PLCG2: variants seen among roughly 807,000 people sequenced by gnomAD.
PLCG2 encodes phospholipase C gamma 2.
A neutral mutation model predicts 175.6 loss-of-function variants in PLCG2; 69 were observed. The observed-to-expected ratio is 0.39, with a 90% CI of 0.32 to 0.48. The LOEUF is 0.48. Ranked by LOEUF, PLCG2 falls within the 20% of genes least tolerant of loss-of-function variation. The pLI is 0.91. For synonymous variants in PLCG2, 827 were observed against 624.0 expected, an observed-to-expected ratio of 1.33 and a Z score of -4.85; for missense variants, 1,798 against 1,650.9, an observed-to-expected ratio of 1.09 and a Z score of -1.54.
intron 5 of PLCG2, among the ~76,000 whole-genome samples, chr16:81,868,947 G>A (rs548445024): frequency 2.6e-5 from 4 of 152,302 alleles, no homozygotes; most frequent in African/African-American, 9.6e-5. Flanking sequence ...TACCTGAAGG[G>A]TGGAGACCAG....
At chr16:81,851,894 A>G (rs1015186681) in intron 2 of PLCG2, among the ~76,000 whole-genome samples, 4 of 152,166 alleles carry the variant, frequency 2.6e-5, no homozygotes, top group African/African-American at 9.7e-5. Flanking sequence ...CTTTGAGTGC[A>G]TCCCATCCCC....
At chr16:81,910,240 A>G (rs913487370) in intron 17 of PLCG2, among the ~76,000 whole-genome samples, 3 of 151,972 alleles carry the variant, frequency 2.0e-5, no homozygotes, top group African/African-American at 7.3e-5. Context: ...ACAGGCATGC[A>G]CCACCATGCC....
Position 81,938,878 on chromosome 16 carries a change from C to A in PLCG2, c.3276C>A (p.Ala1092=). The change falls in exon 29 of 33, where the codon GCC becomes GCA. Residue 1092 remains alanine (A), a synonymous_variant. Transcript: ENST00000564138. Reference sequence around the variant, plus strand: ...TTGTAGAAGTGGAGATCTGTGGAGCCGAGTATGACAACAACAAGTTCAAGA... The same window carrying A: ...TTGTAGAAGTGGAGATCTGTGGAGCAGAGTATGACAACAACAAGTTCAAGA... ...CPFVEVEICG[A]EYDNNKFKTT... is the part of the protein sequence containing the mutation. 6.2e-7 allele frequency: 1 copy of A among 1,612,932 alleles called. No homozygotes were observed. The highest frequency in any genetic ancestry group is 8.5e-7 in the Non-Finnish European group (1 of 1,179,298).
chr16:81,817,546 G>C (rs1027295325), intron 2 of PLCG2, among the ~76,000 whole-genome samples: 9 of 152,232 alleles, frequency 5.9e-5, no homozygotes, highest in Admixed American at 5.2e-4. Context: ...GTAAACACAA[G>C]TGATAAAACA....
At chr16:81,888,552 A>G (rs890292223) in intron 9 of PLCG2, among the ~76,000 whole-genome samples, 3 of 152,208 alleles carry the variant, frequency 2.0e-5, no homozygotes, top group African/African-American at 7.2e-5. Flanking sequence ...ATAAGATTTT[A>G]TACAATGCTT....
At chr16:81,786,948 A>G (rs1229127320) in intron 2 of PLCG2, among the ~76,000 whole-genome samples, 2 of 152,228 alleles carry the variant, frequency 1.3e-5, no homozygotes, top group African/African-American at 4.8e-5. Context: ...TTTATCTTCC[A>G]AAATAGTCTA....
At chr16:81,871,734 C>G (rs560554103) in intron 7 of PLCG2, among the ~76,000 whole-genome samples, 1 of 152,256 alleles carries the variant, frequency 6.6e-6, no homozygotes, top group East Asian at 1.9e-4. Context: ...TTTGATCTGA[C>G]AGTGGCATCC....
chr16:81,933,408 C>T (rs1910584111), intron 25 of PLCG2, among the ~76,000 whole-genome samples: 2 of 152,174 alleles, frequency 1.3e-5, no homozygotes, highest in African/African-American at 4.8e-5. Flanking sequence ...TAAGTGCCCG[C>T]ATTGTTACAC....
At chr16:81,839,767 T>G (rs1905722047) in intron 2 of PLCG2, among the ~76,000 whole-genome samples, 1 of 152,194 alleles carries the variant, frequency 6.6e-6, no homozygotes, top group Non-Finnish European at 1.5e-5. Context: ...GATGAACATT[T>G]AGGCTGGGCA....
At chr16:81,763,406 T>A (rs1477230481) in intron 2 of PLCG2, among the ~76,000 whole-genome samples, 1 of 152,220 alleles carries the variant, frequency 6.6e-6, no homozygotes, top group Non-Finnish European at 1.5e-5. Flanking sequence ...CTCTGCAAGG[T>A]CTCTTGTCCA....
At chr16:81,785,379 G>C (rs1183202652) in intron 1 of PLCG2, among the ~76,000 whole-genome samples, 1 of 152,166 alleles carries the variant, frequency 6.6e-6, no homozygotes, top group South Asian at 2.1e-4. Context: ...GGGTTTGAAC[G>C]TGAAGCTGCC....
At position 81,907,661 on chromosome 16, in the gene PLCG2, A is replaced by G. The variant is rs1368389952; in HGVS notation, c.1468-24A>G. On this transcript the variant is annotated intron_variant, in intron 15 of 32. Transcript: ENST00000564138. ...TGATGAGGTAGAGGACTTGGGGGGC[A>G]CTAATACCAGTTTCACTTTCTAGAA... 9 of 1,575,784 alleles carry G rather than the reference A, an allele frequency of 5.7e-6. No individual in the cohort carries two copies. In the Admixed American group the frequency reaches 1.0e-4, roughly 18 times the overall value.
chr16:81,778,284 C>T (rs894033400), upstream of PLCG2, among the ~76,000 whole-genome samples: 43 of 152,002 alleles, frequency 2.8e-4, no homozygotes, highest in Admixed American at 2.0e-3. Context: ...GCAGGAGGAT[C>T]GCTTGAGTCC....
intron 2 of PLCG2, among the ~76,000 whole-genome samples, chr16:81,788,873 G>T (rs1293133387): frequency 6.6e-6 from 1 of 152,200 alleles, no homozygotes; most frequent in Non-Finnish European, 1.5e-5. Context: ...ACCTGTTGCA[G>T]CTGGGGTGGC....
At chr16:81,749,784 C>A (rs942015491) in intron 1 of PLCG2, among the ~76,000 whole-genome samples, 1 of 152,218 alleles carries the variant, frequency 6.6e-6, no homozygotes, top group Non-Finnish European at 1.5e-5. Flanking sequence ...AATGATTTAT[C>A]TTTCCCTGTG....
At chr16:81,785,256 A>G (rs1261073283) in intron 1 of PLCG2, among the ~76,000 whole-genome samples, 1 of 152,140 alleles carries the variant, frequency 6.6e-6, no homozygotes, top group Non-Finnish European at 1.5e-5. Flanking sequence ...CCGTCACCCC[A>G]GGTGCTTTGC....
chr16:81,744,170 T>C (rs1212686162), intron 1 of PLCG2, among the ~76,000 whole-genome samples: 1 of 150,588 alleles, frequency 6.6e-6, no homozygotes, highest in Non-Finnish European at 1.5e-5. Context: ...CTTCCCTTTT[T>C]TTTTTTTTTT....
intron 2 of PLCG2, among the ~76,000 whole-genome samples, chr16:81,847,200 A>C (rs577180688): frequency 5.3e-5 from 8 of 152,338 alleles, no homozygotes; most frequent in Admixed American, 1.3e-4. Context: ...ATGATATTAC[A>C]AAAGATAAAG....
intron 1 of PLCG2, among the ~76,000 whole-genome samples, chr16:81,743,601 A>G (rs547238813): frequency 2.0e-5 from 3 of 152,324 alleles, no homozygotes; most frequent in Admixed American, 6.5e-5. Flanking sequence ...GATGAGAACC[A>G]GACTTAGGGC....
Sources: gnomAD v4.1 joint callset for allele counts (sites outside exome capture counted in the v4.1 genomes callset) on GRCh38, gnomAD v4.1.1 for gene constraint, MANE v1.5 for transcripts, NCBI Gene and HGNC (gene_info 2026-07-23, HGNC 2026-07-21) for gene names.